The following RBFOX1 variants were observed in gnomAD, a reference collection of about 807,000 sequenced individuals.
RBFOX1 encodes the protein RNA binding protein fox-1 homolog 1.
In RBFOX1, 8 loss-of-function variants were observed where a neutral mutation model predicts 57.7. The observed-to-expected ratio is 0.14, with a 90% CI of 0.08 to 0.25. RBFOX1 has a LOEUF of 0.25. RBFOX1 is among the 10% of genes least tolerant of loss of function. The pLI is 1.00. For missense variants in RBFOX1, 611 were observed against 548.5 expected (o/e 1.11, Z -1.14); for synonymous variants, 326 against 222.4 (o/e 1.47, Z -4.15).
rs1318185215 is a variant in RBFOX1, at chr16:7,469,110, AT to A, written c.28-49032del. 7.9e-5 allele frequency among the ~76,000 whole-genome samples: 12 copies of A among 152,058 alleles called. No homozygotes were observed. The South Asian group carries it at 1.0e-3, about 13-fold the overall frequency. On this transcript the variant is annotated intron_variant, in intron 4 of 15. Transcript: ENST00000550418. ...CACCATGCCCGGCTAATTTTTTTGA[AT>A]TTTTAGTAGAGACGGGGTTTGACCG...
chr16:6,555,189 C>T (rs1227234469), intron 2 of RBFOX1, among the ~76,000 whole-genome samples: 2 of 152,242 alleles, frequency 1.3e-5, no homozygotes, highest in East Asian at 3.9e-4. Context: ...AATCAGGAGT[C>T]CTAGACCAGA....
intron 1 of RBFOX1, among the ~76,000 whole-genome samples, chr16:6,263,940 C>A (rs1682044339): frequency 6.6e-6 from 1 of 152,144 alleles, no homozygotes; most frequent in African/African-American, 2.4e-5. Context: ...TCTGCTTCAG[C>A]TGTGAAGTGA....
At chr16:6,110,837 C>T (rs189435270) in intron 1 of RBFOX1, among the ~76,000 whole-genome samples, 80 of 152,220 alleles carry the variant, frequency 5.3e-4, no homozygotes, top group Middle Eastern at 3.4e-3. Flanking sequence ...AGGCCAGAGA[C>T]GGTGCTAATA....
At chr16:6,380,528 G>A (rs2091703020) in intron 2 of RBFOX1, among the ~76,000 whole-genome samples, 1 of 147,098 alleles carries the variant, frequency 6.8e-6, no homozygotes, top group Admixed American at 7.0e-5. Flanking sequence ...AAAGGAAGGT[G>A]AGTTGAAGTT....
At chr16:7,190,773 A>C (rs1479754770) in intron 4 of RBFOX1, among the ~76,000 whole-genome samples, 1 of 152,180 alleles carries the variant, frequency 6.6e-6, no homozygotes, top group African/African-American at 2.4e-5. Flanking sequence ...ATTCGGGTTT[A>C]TGGCATTGCT....
chr16:7,559,364 T>C (rs12926586), intron 5 of RBFOX1, among the ~76,000 whole-genome samples: 2,289 of 152,300 alleles, frequency 0.015, 24 homozygotes, highest in Non-Finnish European at 0.025. Context: ...TCTTCCTTTA[T>C]ATATTCTCAT....
chr16:5,402,166 C>T (rs189046420), intron 1 of RBFOX1, among the ~76,000 whole-genome samples: 208 of 152,218 alleles, frequency 1.4e-3, no homozygotes, highest in African/African-American at 4.8e-3. Context: ...AGAGGAGGGT[C>T]ATGTGGAGAG....
At chr16:7,313,878 C>G (rs923523230) in intron 4 of RBFOX1, among the ~76,000 whole-genome samples, 4 of 152,138 alleles carry the variant, frequency 2.6e-5, no homozygotes, top group Non-Finnish European at 4.4e-5. Flanking sequence ...CTGTGCCGGC[C>G]AGTGGCTGGT....
intron 3 of RBFOX1, among the ~76,000 whole-genome samples, chr16:7,038,737 GC>G (rs1227598653): frequency 6.6e-6 from 1 of 152,116 alleles, no homozygotes; most frequent in Non-Finnish European, 1.5e-5. Flanking sequence ...GCTGCCTGGG[GC>G]TGCCATGTCT....
chr16:6,853,638 C>T (rs1207607778), intron 3 of RBFOX1, among the ~76,000 whole-genome samples: 2 of 152,148 alleles, frequency 1.3e-5, no homozygotes, highest in East Asian at 3.9e-4. Flanking sequence ...TTGCATGGCC[C>T]ATAGTAAATG....
intron 5 of RBFOX1, among the ~76,000 whole-genome samples, chr16:7,532,301 C>T (rs944500749): frequency 7.9e-5 from 12 of 151,904 alleles, no homozygotes; most frequent in African/African-American, 2.9e-4. Context: ...TCTGGTGGCT[C>T]CACAAAAGGG....
intron 3 of RBFOX1, among the ~76,000 whole-genome samples, chr16:6,975,011 G>T (rs1250625873): frequency 1.3e-5 from 2 of 152,128 alleles, no homozygotes; most frequent in Non-Finnish European, 2.9e-5. Flanking sequence ...GTGGAGCTAG[G>T]TGTGTTCACA....
intron 4 of RBFOX1, among the ~76,000 whole-genome samples, chr16:7,330,900 C>G (rs1003951472): frequency 7.2e-5 from 11 of 152,108 alleles, no homozygotes; most frequent in Non-Finnish European, 1.0e-4. Flanking sequence ...TCCCCGGTAA[C>G]TTCTCAGAAA....
At chr16:6,801,928 C>T (rs918499292) in intron 3 of RBFOX1, among the ~76,000 whole-genome samples, 1 of 151,984 alleles carries the variant, frequency 6.6e-6, no homozygotes, top group African/African-American at 2.4e-5. Flanking sequence ...TTCATCTGGA[C>T]CTTCAGTAAA....
chr16:5,842,127 A>T (rs1215401311), intron 3 of RBFOX1, among the ~76,000 whole-genome samples: 2 of 152,174 alleles, frequency 1.3e-5, no homozygotes, highest in Non-Finnish European at 2.9e-5. Context: ...AAGAGTGAGA[A>T]GGAAATGGAA....
chr16:7,427,322 G>C (rs1024269797), intron 4 of RBFOX1, among the ~76,000 whole-genome samples: 1 of 152,044 alleles, frequency 6.6e-6, no homozygotes, highest in African/African-American at 2.4e-5. Context: ...ATGTAGGACG[G>C]GGCCAAGTAA....
Position 5,616,534 on chromosome 16 carries a change from C to G in RBFOX1, c.318+17573C>G, listed in dbSNP as rs556011177. The stretch of plus-strand genomic sequence containing the variant: ...GCTCTTGGAGATGCCGCTGTCTGCC[C>G]TCTTCCCTTTCCTCTCCCTCCTCCT... On this transcript the variant is annotated intron_variant, in intron 3 of 19. Transcript: ENST00000641259. Among the ~76,000 whole-genome samples the G allele has an allele frequency of 2.6e-5, 4 of 151,824 alleles. No individual in the cohort carries two copies. The East Asian group carries it at 7.8e-4, about 30-fold the overall frequency.
At chr16:6,870,964 C>T (rs1492372) in intron 3 of RBFOX1, among the ~76,000 whole-genome samples, 116,950 of 152,150 alleles carry the variant, frequency 0.77, 46,071 homozygotes, top group African/African-American at 0.94. Context: ...TCCTGTAGAC[C>T]TGGATGTAAG....
At chr16:6,289,731 G>A (rs1323254547) in intron 1 of RBFOX1, among the ~76,000 whole-genome samples, 1 of 152,134 alleles carries the variant, frequency 6.6e-6, no homozygotes, top group Non-Finnish European at 1.5e-5. Context: ...TGCATCCTGG[G>A]GGGAAAATGC....
Sources: allele counts gnomAD v4.1 joint callset (sites outside exome capture counted in the v4.1 genomes callset), GRCh38; gene constraint gnomAD v4.1.1; transcripts MANE v1.5; gene names NCBI Gene and HGNC (gene_info 2026-07-23, HGNC 2026-07-21).